The following ADGRG3 variants were observed in gnomAD, a reference collection of about 807,000 sequenced individuals.
The protein encoded by ADGRG3 is G protein-coupled receptor 97.
A neutral mutation model predicts 54.3 loss-of-function variants in ADGRG3; 39 were observed. That is an observed-to-expected ratio of 0.72 (90% CI 0.56 to 0.94). The LOEUF is 0.94. Ranked by LOEUF, ADGRG3 falls within the 40% of genes least tolerant of loss-of-function variation. ADGRG3 has a pLI of 0.00. For missense variants in ADGRG3, 654 were observed against 694.6 expected, an observed-to-expected ratio of 0.94 and a Z score of 0.66; for synonymous variants, 312 against 290.0, an observed-to-expected ratio of 1.08 and a Z score of -0.77.
Position 57,683,939 on chromosome 16 carries a change from C to T in ADGRG3, c.889C>T (p.Arg297Trp), listed in dbSNP as rs755883919. 30 of 1,547,982 alleles carry T rather than the reference C, an allele frequency of 1.9e-5. No individual in the cohort carries two copies. Among genetic ancestry groups the T allele is most frequent in the Middle Eastern group, 1.8e-4 (1 of 5,708 alleles). The change falls in exon 9 of 12, where the codon CGG becomes TGG. Residue 297 changes from arginine to tryptophan, a missense_variant. Arg to Trp is a moderately radical substitution (Grantham distance 101). Transcript: ENST00000333493. Reference protein sequence around the residue: ...IILYAFLRLSRERFKSEDAPK... With the variant: ...IILYAFLRLSWERFKSEDAPK... The stretch of plus-strand genomic sequence containing the variant: ...TCTTATTTCTCACCCCAGGCTTTCC[C>T]GGGAGAGGTTCAAGTCAGAAGATGC...
intron 2 of ADGRG3, among the ~76,000 whole-genome samples, chr16:57,673,892 C>G (rs2048208404): frequency 6.6e-6 from 1 of 152,062 alleles, no homozygotes. Flanking sequence ...ATACAGGCAA[C>G]AGAACTTGAA....
chr16:57,689,136 G>C lies in ADGRG3; in HGVS notation c.*675G>C, dbSNP rs79378099. 4,343 of 153,814 alleles carry C rather than the reference G, an allele frequency of 0.028. 177 individuals are homozygous for C. The highest frequency in any genetic ancestry group is 0.097 in the African/African-American group (4,040 of 41,570). The allele number at this position is 153,814 out of a possible 1,614,324, so 9.5% of individuals were successfully genotyped here. A position where few individuals can be genotyped will look rare whatever the true frequency, so the allele number is the denominator to read the frequency against. ...CACTCCTGACTCTGACTGCCACGTGGGTGGCCCGACCTCTGACCTGCTGTC... is the reference window on the plus strand; with the variant it reads ...CACTCCTGACTCTGACTGCCACGTGCGTGGCCCGACCTCTGACCTGCTGTC... On this transcript the variant is annotated 3_prime_UTR_variant, in exon 12 of 12. Transcript: ENST00000333493.
upstream of ADGRG3, among the ~76,000 whole-genome samples, chr16:57,666,646 TG>T (rs1156303878): frequency 4.0e-5 from 6 of 151,592 alleles, no homozygotes; most frequent in Non-Finnish European, 7.4e-5. Context: ...GCCCTGGGGT[TG>T]GGGGGGGTCT....
chr16:57,667,517 A>G (rs1238104279), upstream of ADGRG3, among the ~76,000 whole-genome samples: 3 of 152,250 alleles, frequency 2.0e-5, no homozygotes, highest in African/African-American at 7.2e-5. Flanking sequence ...GATGATCAGA[A>G]ATGATGTAAT....
rs1413150695 is a variant in ADGRG3 at position 57,668,528 on chromosome 16, C to T, written c.58+123C>T. Reference sequence around the variant, plus strand: ...AGGAGTTGGGGTGTCTGGGATGTGTCCTCCGATACCCCCCGTGGCCGCCTC... The same window carrying T: ...AGGAGTTGGGGTGTCTGGGATGTGTTCTCCGATACCCCCCGTGGCCGCCTC... On this transcript the variant is annotated intron_variant, in intron 1 of 11. Transcript: ENST00000333493. The T allele has an allele frequency of 1.0e-5, 9 of 880,214 alleles. No homozygotes were observed. The African/African-American group carries it at 1.3e-4, about 13-fold the overall frequency. The allele number at this position is 880,214 out of a possible 1,614,324, so 54.5% of individuals were successfully genotyped here.
At chr16:57,686,217 A>G (rs558591641) in intron 11 of ADGRG3, among the ~76,000 whole-genome samples, 1 of 152,344 alleles carries the variant, frequency 6.6e-6, no homozygotes, top group Non-Finnish European at 1.5e-5. Flanking sequence ...GCACAACACC[A>G]GTATCTGCTC....
At chr16:57,680,468 C>G (rs1483850226) in intron 7 of ADGRG3, 37 bp from the exon 8 acceptor site, 2 of 1,589,734 alleles carry the variant, frequency 1.3e-6, no homozygotes, top group East Asian at 4.5e-5. Flanking sequence ...GGCCTGGCCT[C>G]CAACTGACGT....
intron 8 of ADGRG3, among the ~76,000 whole-genome samples, chr16:57,683,348 A>G (rs1276369992): frequency 1.3e-5 from 2 of 152,210 alleles, no homozygotes; most frequent in Non-Finnish European, 2.9e-5. Context: ...AAGTACATGC[A>G]TGATATGCAG....
At chr16:57,687,057 C>G (rs2048485995) in intron 11 of ADGRG3, among the ~76,000 whole-genome samples, 1 of 152,206 alleles carries the variant, frequency 6.6e-6, no homozygotes, top group South Asian at 2.1e-4. Context: ...CCCAGGCGTC[C>G]TAGATGCAGC....
chr16:57,681,985 C>G lies in ADGRG3; in HGVS notation c.881+1368C>G, dbSNP rs776956073. Among the ~76,000 whole-genome samples, 5 of 152,332 alleles carry G rather than the reference C, an allele frequency of 3.3e-5. No individual in the cohort carries two copies. The South Asian group carries it at 1.0e-3, about 32-fold the overall frequency. On this transcript the variant is annotated intron_variant, in intron 8 of 11. Coordinates refer to ENST00000333493, the MANE Select transcript of ADGRG3 (RefSeq NM_170776.5). ...ACTGGTCTAACTTGGACCATGTGCC[C>G]ATGCCTGTCTGGGTCACTGTGGTCA...
chr16:57,683,081 G>C (rs1239444288), intron 8 of ADGRG3, among the ~76,000 whole-genome samples: 1 of 152,264 alleles, frequency 6.6e-6, no homozygotes, highest in Non-Finnish European at 1.5e-5. Flanking sequence ...TTGAAAGGCA[G>C]AAGAAGAGGA....
At chr16:57,683,858 G>A in intron 8 of ADGRG3, 74 bp from the exon 9 acceptor site, 2 of 1,281,634 alleles carry the variant, frequency 1.6e-6, no homozygotes, top group Non-Finnish European at 2.1e-6. Flanking sequence ...TATTGGGGTG[G>A]ACAGGCTTGG....
At chr16:57,674,951 A>G (rs1242786422) in intron 2 of ADGRG3, among the ~76,000 whole-genome samples, 3 of 131,524 alleles carry the variant, frequency 2.3e-5, no homozygotes, top group African/African-American at 8.7e-5. Context: ...ACCTGAGATC[A>G]CTCCACTGCA....
intron 7 of ADGRG3, 29 bp from the exon 8 acceptor site, chr16:57,680,476 C>T (rs764524712): frequency 3.1e-5 from 50 of 1,591,792 alleles, no homozygotes; most frequent in Middle Eastern, 1.7e-4. Flanking sequence ...CTCCAACTGA[C>T]GTGGTCCCGG....
intron 6 of ADGRG3, among the ~76,000 whole-genome samples, 190 bp downstream of exon 6, chr16:57,680,045 C>T (rs1356030172): frequency 1.9e-5 from 2 of 105,460 alleles, no homozygotes; most frequent in Admixed American, 9.3e-5. Context: ...CCTTCCTCCT[C>T]CCCTCCCTTC....
At chr16:57,666,920 G>C (rs2048071088), upstream of ADGRG3, among the ~76,000 whole-genome samples, 1 of 152,208 alleles carries the variant, frequency 6.6e-6, no homozygotes, top group African/African-American at 2.4e-5. Flanking sequence ...GCACATCCAA[G>C]TCCACTGCCC....
chr16:57,684,898 GC>G (rs2048445565), intron 10 of ADGRG3, among the ~76,000 whole-genome samples: 1 of 152,214 alleles, frequency 6.6e-6, no homozygotes, highest in South Asian at 2.1e-4. Flanking sequence ...GCCACCACCT[GC>G]CCAGTGATTC....
At position 57,685,765 on chromosome 16, in the gene ADGRG3, T is replaced by C. The variant is rs2048461628; in HGVS notation, c.1379T>C (p.Leu460Pro). 1 of 1,614,092 alleles carries C rather than the reference T, an allele frequency of 6.2e-7. No individual in the cohort carries two copies. The highest frequency in any genetic ancestry group is 1.7e-5 in the Admixed American group (1 of 60,012). ...LALVVWKIFT[L>P]SRATAVKERG... ...CTGGTGGTCTGGAAGATCTTCACCCTGTCCCGTGCTACAGCGGTCAAGGAG... is the reference window on the plus strand; with the variant it reads ...CTGGTGGTCTGGAAGATCTTCACCCCGTCCCGTGCTACAGCGGTCAAGGAG... The change falls in exon 11 of 12, where the codon CTG becomes CCG. Residue 460 changes from leucine to proline, a missense_variant. Physicochemically the swap from Leu to Pro is moderately conservative, Grantham distance 98. Transcript: ENST00000333493.
At chr16:57,685,398 C>T (rs2048454871) in intron 10 of ADGRG3, among the ~76,000 whole-genome samples, 1 of 152,176 alleles carries the variant, frequency 6.6e-6, no homozygotes, top group African/African-American at 2.4e-5. Context: ...AAGGCGGCCA[C>T]TAATTCCGTT....
Sources: allele counts gnomAD v4.1 joint callset (sites outside exome capture counted in the v4.1 genomes callset), GRCh38; gene constraint gnomAD v4.1.1; transcripts MANE v1.5; gene names NCBI Gene and HGNC (gene_info 2026-07-23, HGNC 2026-07-21).